KHDRBS2: variants seen among roughly 807,000 people sequenced by gnomAD.
KHDRBS2 encodes the protein KH domain-containing, RNA-binding, signal transduction-associated protein 2.
In KHDRBS2, 26 loss-of-function variants were observed where a neutral mutation model predicts 44.3. The ratio of observed to expected loss-of-function variants is 0.59; its 90% CI spans 0.43 to 0.81. The LOEUF (loss-of-function observed/expected upper bound fraction) is 0.81, where lower values mean the gene tolerates loss of function less well. KHDRBS2 is among the 40% of genes least tolerant of loss of function. The pLI is 0.00. For synonymous variants in KHDRBS2, 194 were observed against 151.1 expected, an observed-to-expected ratio of 1.28 and a Z score of -2.08; for missense variants, 476 against 433.1, an observed-to-expected ratio of 1.10 and a Z score of -0.88.
intron 3 of KHDRBS2, among the ~76,000 whole-genome samples, chr6:61,996,037 A>G (rs1777103980): frequency 1.3e-5 from 2 of 152,212 alleles, no homozygotes; most frequent in South Asian, 4.1e-4. Context: ...AAAAGAGACA[A>G]AGAAATTGAA....
chr6:61,707,734 T>G (rs1769822704), intron 7 of KHDRBS2, among the ~76,000 whole-genome samples: 1 of 151,664 alleles, frequency 6.6e-6, no homozygotes, highest in South Asian at 2.1e-4. Context: ...GAAGTGAAGT[T>G]ATATACTATT....
At chr6:61,940,675 A>G (rs1484571855) in intron 4 of KHDRBS2, among the ~76,000 whole-genome samples, 2 of 152,300 alleles carry the variant, frequency 1.3e-5, no homozygotes, top group Non-Finnish European at 1.5e-5. Context: ...TGGACTGCAC[A>G]CTGTCCTGGA....
chr6:61,695,238 C>CAAAG (rs1029927461), intron 8 of KHDRBS2, among the ~76,000 whole-genome samples: 3 of 151,788 alleles, frequency 2.0e-5, no homozygotes, highest in Non-Finnish European at 4.4e-5. Flanking sequence ...AACAAACAAA[C>CAAAG]AAACAAACCC....
At position 61,691,722 on chromosome 6, in the gene KHDRBS2, T is replaced by C. The variant is rs569318214; in HGVS notation, c.952+5473A>G. ...TCTTGAATTAAATGGCTGCCACAAC[T>C]GCCAGTTAACTTCATTTTCCTTTGC... On this transcript the variant is annotated intron_variant, in intron 8 of 8. Coordinates refer to ENST00000281156, the MANE Select transcript of KHDRBS2 (RefSeq NM_152688.4). Among the ~76,000 whole-genome samples the C allele has an allele frequency of 1.1e-4, 16 of 152,228 alleles. No individual in the cohort carries two copies. In the South Asian group the frequency reaches 1.2e-3, roughly 12 times the overall value.
chr6:61,642,367 A>C, the KHDRBS2 span, among the ~76,000 whole-genome samples: 975 of 152,034 alleles, frequency 6.4e-3, 7 homozygotes, highest in Middle Eastern at 0.024. Context: ...ACTAAGAATA[A>C]TTTTTAGGCC....
Position 61,807,360 on chromosome 6 carries a change from C to T in KHDRBS2, c.811-74596G>A, listed in dbSNP as rs949791214. On this transcript the variant is annotated intron_variant, in intron 6 of 8. Coordinates refer to ENST00000281156, the MANE Select transcript of KHDRBS2 (RefSeq NM_152688.4). ...AATATAAATCATTATACCATAAAGACGTATGCACAGGTATGTTCATTGTAG... is the reference window on the plus strand; with the variant it reads ...AATATAAATCATTATACCATAAAGATGTATGCACAGGTATGTTCATTGTAG... Among the ~76,000 whole-genome samples the T allele has an allele frequency of 7.9e-5, 12 of 152,124 alleles. No homozygotes were observed. In the South Asian group the frequency reaches 1.2e-3, roughly 16 times the overall value.
the KHDRBS2 span, among the ~76,000 whole-genome samples, chr6:61,598,841 T>TC: frequency 1.0e-5 from 1 of 99,160 alleles, no homozygotes; most frequent in African/African-American, 4.7e-5. Context: ...TCTTTTCTTT[T>TC]TTTTTTTTTT....
intron 2 of KHDRBS2, among the ~76,000 whole-genome samples, chr6:62,058,567 G>C (rs562192995): frequency 1.3e-5 from 2 of 151,934 alleles, no homozygotes; most frequent in Non-Finnish European, 2.9e-5. Flanking sequence ...TGGGACCGTA[G>C]ACACAGATCA....
At chr6:61,665,520 A>T in the KHDRBS2 span, among the ~76,000 whole-genome samples, 1 of 151,368 alleles carries the variant, frequency 6.6e-6, no homozygotes, top group African/African-American at 2.4e-5. Context: ...TACTGGCTTA[A>T]TGTAGAAAAA....
intron 6 of KHDRBS2, among the ~76,000 whole-genome samples, chr6:61,786,759 T>C (rs1379995213): frequency 6.6e-6 from 1 of 151,896 alleles, no homozygotes; most frequent in Non-Finnish European, 1.5e-5. Context: ...TTTAGTTGGT[T>C]CAAGGAGCAG....
At chr6:61,798,212 T>A (rs911236976) in intron 6 of KHDRBS2, among the ~76,000 whole-genome samples, 1 of 152,122 alleles carries the variant, frequency 6.6e-6, no homozygotes, top group African/African-American at 2.4e-5. Context: ...TGAAGAGTGG[T>A]CATTTTGATG....
intron 2 of KHDRBS2, among the ~76,000 whole-genome samples, chr6:62,104,184 C>A (rs746731253): frequency 1.7e-4 from 26 of 152,126 alleles, no homozygotes; most frequent in Non-Finnish European, 3.2e-4. Flanking sequence ...TTATGTTGAC[C>A]TTATTGATAT....
chr6:61,600,348 C>T, the KHDRBS2 span, among the ~76,000 whole-genome samples: 1 of 152,088 alleles, frequency 6.6e-6, no homozygotes, highest in African/African-American at 2.4e-5. Context: ...AATGGCCAGT[C>T]CCTGCCTTAA....
intron 1 of KHDRBS2, among the ~76,000 whole-genome samples, chr6:62,215,187 A>G (rs925550639): frequency 1.1e-4 from 17 of 151,904 alleles, no homozygotes; most frequent in African/African-American, 3.4e-4. Flanking sequence ...CTAAAAAAAT[A>G]TAACTTATAT....
At chr6:62,071,565 C>G (rs1298545992) in intron 2 of KHDRBS2, among the ~76,000 whole-genome samples, 2 of 152,180 alleles carry the variant, frequency 1.3e-5, no homozygotes, top group African/African-American at 2.4e-5. Flanking sequence ...ATATGGCTAG[C>G]CAGTATTCCC....
At chr6:62,124,185 C>A (rs982103603) in intron 2 of KHDRBS2, among the ~76,000 whole-genome samples, 1 of 152,186 alleles carries the variant, frequency 6.6e-6, no homozygotes. Flanking sequence ...CTGAGAGTGA[C>A]CTTGTTCATC....
At chr6:61,928,936 A>G (rs1051707778) in intron 4 of KHDRBS2, among the ~76,000 whole-genome samples, 1 of 152,062 alleles carries the variant, frequency 6.6e-6, no homozygotes, top group African/African-American at 2.4e-5. Flanking sequence ...ATTATTTTTT[A>G]AGACTAGTGG....
chr6:61,694,986 G>A (rs1005733809), intron 8 of KHDRBS2, among the ~76,000 whole-genome samples: 1 of 152,002 alleles, frequency 6.6e-6, no homozygotes, highest in Non-Finnish European at 1.5e-5. Flanking sequence ...AGTAAGCCTG[G>A]TGCTCATTTT....
intron 4 of KHDRBS2, among the ~76,000 whole-genome samples, chr6:61,905,656 AATCAT>A: frequency 6.6e-6 from 1 of 152,174 alleles, no homozygotes; most frequent in Non-Finnish European, 1.5e-5. Flanking sequence ...GAACTTTTCT[AATCAT>A]AATTTTAATG....
Sources: gnomAD v4.1 joint callset for allele counts (sites outside exome capture counted in the v4.1 genomes callset) on GRCh38, gnomAD v4.1.1 for gene constraint, MANE v1.5 for transcripts, NCBI Gene and HGNC (gene_info 2026-07-23, HGNC 2026-07-21) for gene names.